The following COPS8 variants were observed in gnomAD, a reference collection of about 807,000 sequenced individuals.
COPS8 encodes the protein COP9 signalosome complex subunit 8.
Under a neutral mutation model 31.5 loss-of-function variants are expected in COPS8, and 11 were observed. That is an observed-to-expected ratio of 0.35 (90% CI 0.22 to 0.58). The LOEUF is 0.58. COPS8 is among the 20% of genes least tolerant of loss of function. The probability of loss-of-function intolerance (pLI) is 0.83; values close to 1 mark genes in which losing one functional copy is unlikely to be tolerated. For missense variants in COPS8, 215 were observed against 255.1 expected (o/e 0.84, Z 1.07); for synonymous variants, 81 against 89.3 (o/e 0.91, Z 0.52).
Position 237,099,870 on chromosome 2 carries a change from C to T in COPS8, c.*2128C>T, listed in dbSNP as rs1281088919. The T allele has an allele frequency of 6.6e-6, 1 of 152,186 alleles. No individual in the cohort carries two copies. The highest frequency in any genetic ancestry group is 2.4e-5 in the African/African-American group (1 of 41,442). The allele number at this position is 152,186 out of a possible 1,614,324, so 9.4% of individuals were successfully genotyped here. Reference sequence around the variant, plus strand: ...CTTGGGATTCTGTCAAAGGGTTATACAAGCCAACTTGAAGGGATTTCTACA... The same window carrying T: ...CTTGGGATTCTGTCAAAGGGTTATATAAGCCAACTTGAAGGGATTTCTACA... On this transcript the variant is annotated 3_prime_UTR_variant, in exon 8 of 8. Transcript: ENST00000354371.
chr2:237,087,217 A>G lies in COPS8; in HGVS notation c.149+20A>G. Reference sequence around the variant, plus strand: ...TGACATGTAAGTATGTTTAACCTAAAGCTAAGAGCAACAGGTTTCTCAAAG... The same window carrying G: ...TGACATGTAAGTATGTTTAACCTAAGGCTAAGAGCAACAGGTTTCTCAAAG... On this transcript the variant is annotated intron_variant, in intron 2 of 7. Transcript: ENST00000354371. 6.4e-7 allele frequency: 1 copy of G among 1,555,136 alleles called. No individual in the cohort carries two copies. The highest frequency in any genetic ancestry group is 8.8e-7 in the Non-Finnish European group (1 of 1,140,418).
At chr2:237,097,124 G>C (rs770385813) in intron 7 of COPS8, among the ~76,000 whole-genome samples, 1 of 151,972 alleles carries the variant, frequency 6.6e-6, no homozygotes, top group Non-Finnish European at 1.5e-5. Flanking sequence ...AGGCCTGCCA[G>C]AGCTGTTCAC....
At position 237,097,917 on chromosome 2, in the gene COPS8, T is replaced by C. The variant is rs931560683; in HGVS notation, c.*175T>C. 4.1e-6 allele frequency: 2 copies of C among 489,482 alleles called. No homozygotes were observed. Among genetic ancestry groups the C allele is most frequent in the Non-Finnish European group, 7.3e-6 (2 of 275,352 alleles). The allele number at this position is 489,482 out of a possible 1,614,324, so 30.3% of individuals were successfully genotyped here. On this transcript the variant is annotated 3_prime_UTR_variant, in exon 8 of 8. Coordinates refer to ENST00000354371, the MANE Select transcript of COPS8 (RefSeq NM_006710.5). ...CTATATACATTTTGTCCATAAACGTTATGCTGAATAGTTGTTGAAACAGTT... is the reference window on the plus strand; with the variant it reads ...CTATATACATTTTGTCCATAAACGTCATGCTGAATAGTTGTTGAAACAGTT...
At chr2:237,088,346 A>C (rs190983671) in intron 2 of COPS8, among the ~76,000 whole-genome samples, 8 of 152,346 alleles carry the variant, frequency 5.3e-5, no homozygotes, top group African/African-American at 1.9e-4. Context: ...GCTGTTGCCT[A>C]AATTTAGGAT....
Position 237,097,666 on chromosome 2 carries a change from C to A in COPS8, c.554C>A (p.Pro185His), listed in dbSNP as rs1172969723. 3 of 1,612,224 alleles carry A rather than the reference C, an allele frequency of 1.9e-6. No homozygotes were observed. Among genetic ancestry groups the A allele is most frequent in the Non-Finnish European group, 2.5e-6 (3 of 1,178,626 alleles). The change falls in exon 8 of 8, where the codon CCT becomes CAT. Residue 185 changes from proline to histidine, a missense_variant. Coordinates refer to ENST00000354371, the MANE Select transcript of COPS8 (RefSeq NM_006710.5). Reference sequence around the variant, plus strand: ...TGTTTGTTTCTTTAACATACAGAGCCTGCTCCAGTTCCCCCAATACCCAAT... The same window carrying A: ...TGTTTGTTTCTTTAACATACAGAGCATGCTCCAGTTCCCCCAATACCCAAT... ...SFNKFIPLSE[P>H]APVPPIPNEQ... is the part of the protein sequence containing the mutation.
intron 5 of COPS8, among the ~76,000 whole-genome samples, chr2:237,094,976 A>C (rs1460606291): frequency 6.6e-6 from 1 of 152,028 alleles, no homozygotes; most frequent in Non-Finnish European, 1.5e-5. Flanking sequence ...AAAAATATAT[A>C]TATATATCGT....
At chr2:237,097,433 C>T (rs1175448616) in intron 7 of COPS8, among the ~76,000 whole-genome samples, 1 of 152,074 alleles carries the variant, frequency 6.6e-6, no homozygotes, top group African/African-American at 2.4e-5. Context: ...ATGAGACATG[C>T]CTTTACTAGC....
intron 4 of COPS8, among the ~76,000 whole-genome samples, chr2:237,091,605 A>G (rs1467417368): frequency 1.3e-5 from 2 of 152,264 alleles, no homozygotes; most frequent in African/African-American, 2.4e-5. Context: ...CTAGTTGAGA[A>G]CAATCACTTT....
chr2:237,096,002 A>G, intron 6 of COPS8, 118 bp downstream of exon 6: 1 of 684,600 alleles, frequency 1.5e-6, no homozygotes. Flanking sequence ...CACAATGGAA[A>G]TAACTCATTT....
rs1696833940 is a variant in COPS8, at chr2:237,097,928, G to A, written c.*186G>A. On this transcript the variant is annotated 3_prime_UTR_variant, in exon 8 of 8. Coordinates refer to ENST00000354371, the MANE Select transcript of COPS8 (RefSeq NM_006710.5). ...TTGTCCATAAACGTTATGCTGAATA[G>A]TTGTTGAAACAGTTCTCATTTTGTA... 1 of 470,242 alleles carries A rather than the reference G, an allele frequency of 2.1e-6. No homozygotes were observed. Among genetic ancestry groups the A allele is most frequent in the Non-Finnish European group, 3.8e-6 (1 of 263,708 alleles). The allele number at this position is 470,242 out of a possible 1,614,324, so 29.1% of individuals were successfully genotyped here. A position where few individuals can be genotyped will look rare whatever the true frequency, so the allele number is the denominator to read the frequency against.
chr2:237,094,529 TC>T (rs138601166), intron 5 of COPS8, among the ~76,000 whole-genome samples: 1,773 of 152,230 alleles, frequency 0.012, 37 homozygotes, highest in African/African-American at 0.038. Flanking sequence ...CTTTTCATTT[TC>T]CCTGCCATTT....
At chr2:237,092,803 T>G (rs1347537229) in intron 4 of COPS8, among the ~76,000 whole-genome samples, 1 of 152,094 alleles carries the variant, frequency 6.6e-6, no homozygotes, top group East Asian at 1.9e-4. Flanking sequence ...TGTCGGCAGT[T>G]TTTAAGGAAT....
At position 237,097,940 on chromosome 2, in the gene COPS8, GT is replaced by G; in HGVS notation, c.*200del. Reference sequence around the variant, plus strand: ...GTTATGCTGAATAGTTGTTGAAACAGTTCTCATTTTGTAGTATTTAATAATC... The same window carrying G: ...GTTATGCTGAATAGTTGTTGAAACAGTCTCATTTTGTAGTATTTAATAATC... On this transcript the variant is annotated 3_prime_UTR_variant, in exon 8 of 8. Transcript: ENST00000354371. 1 of 449,146 alleles carries G rather than the reference GT, an allele frequency of 2.2e-6. No homozygotes were observed. The highest frequency in any genetic ancestry group is 4.0e-6 in the Non-Finnish European group (1 of 250,586). The allele number at this position is 449,146 out of a possible 1,614,324, so 27.8% of individuals were successfully genotyped here. A position where few individuals can be genotyped will look rare whatever the true frequency, so the allele number is the denominator to read the frequency against.
intron 4 of COPS8, among the ~76,000 whole-genome samples, chr2:237,090,322 A>T (rs1365421656): frequency 6.6e-6 from 1 of 152,114 alleles, no homozygotes; most frequent in East Asian, 1.9e-4. Flanking sequence ...GAAAATAGAG[A>T]CTGCTCTTTG....
At chr2:237,093,118 G>C (rs1696735943) in intron 4 of COPS8, among the ~76,000 whole-genome samples, 1 of 152,166 alleles carries the variant, frequency 6.6e-6, no homozygotes, top group African/African-American at 2.4e-5. Flanking sequence ...GTAGAGAGCA[G>C]ACAGGAGGGC....
chr2:237,090,031 A>G (rs1412076993), intron 4 of COPS8, 37 bp downstream of exon 4: 2 of 1,607,674 alleles, frequency 1.2e-6, no homozygotes, highest in African/African-American at 2.7e-5. Context: ...AAATTAGATG[A>G]GACTTAGTCC....
intron 7 of COPS8, 140 bp downstream of exon 7, chr2:237,097,009 T>A: frequency 3.0e-6 from 2 of 670,388 alleles, no homozygotes; most frequent in South Asian, 3.9e-5. Context: ...AAATGCGTAG[T>A]AATACATCTG....
rs1169680275 is a variant in COPS8 at position 237,099,298 on chromosome 2, A to G, written c.*1556A>G. 3 of 152,196 alleles carry G rather than the reference A, an allele frequency of 2.0e-5. No individual in the cohort carries two copies. The highest frequency in any genetic ancestry group is 2.0e-4 in the Admixed American group (3 of 15,276). 9.4% of individuals were successfully genotyped at this position (152,196 alleles called of 1,614,324 possible). On this transcript the variant is annotated 3_prime_UTR_variant, in exon 8 of 8. Transcript: ENST00000354371. ...TATGTACATATTTCCTTATATTTCA[A>G]AACTAAGCAATTGGGGGATATATAC...
At chr2:237,087,090 G>C (rs748473872) in intron 1 of COPS8, 37 bp from the exon 2 acceptor site, 2 of 1,416,198 alleles carry the variant, frequency 1.4e-6, no homozygotes, top group Non-Finnish European at 1.9e-6. Context: ...TTAAAATTTT[G>C]TGTTGTTTTG....
Sources: allele counts gnomAD v4.1 joint callset (sites outside exome capture counted in the v4.1 genomes callset), GRCh38; gene constraint gnomAD v4.1.1; transcripts MANE v1.5; gene names NCBI Gene and HGNC (gene_info 2026-07-23, HGNC 2026-07-21).